The following ST3GAL1 variants were observed in gnomAD, a reference collection of about 807,000 sequenced individuals.
The protein encoded by ST3GAL1 is ST3 beta-galactoside alpha-2,3-sialyltransferase 1, also known as CMP-N-acetylneuraminate-beta-galactosamide-alpha-2,3-sialyltransferase 1.
In ST3GAL1, 16 loss-of-function variants were observed where a neutral mutation model predicts 34.1. The observed-to-expected ratio is 0.47, with a 90% CI of 0.32 to 0.71. ST3GAL1 has a LOEUF of 0.71. Ranked by LOEUF, ST3GAL1 falls within the 30% of genes least tolerant of loss-of-function variation. The probability of loss-of-function intolerance (pLI) is 0.04; values close to 1 mark genes in which losing one functional copy is unlikely to be tolerated. For synonymous variants in ST3GAL1, 191 were observed against 184.7 expected, an observed-to-expected ratio of 1.03 and a Z score of -0.28; for missense variants, 353 against 447.4, an observed-to-expected ratio of 0.79 and a Z score of 1.90.
Position 133,476,555 on chromosome 8 carries a change from TG to T in ST3GAL1, c.-329del, listed in dbSNP as rs1816188629. On this transcript the variant is annotated 5_prime_UTR_variant, in exon 4 of 10. The change abolishes the stop of an existing upstream ORF in the 5' untranslated region. Transcript: ENST00000522652. ...TCCCATCCTGTCGCCAGGGACATGG[TG>T]GGTACACAACCAGCTTGATGAAGGC... 6.5e-6 allele frequency: 1 copy of T among 152,976 alleles called. No individual in the cohort carries two copies. Among genetic ancestry groups the T allele is most frequent in the Admixed American group, 6.5e-5 (1 of 15,410 alleles). The allele number at this position is 152,976 out of a possible 1,614,324, so 9.5% of individuals were successfully genotyped here.
chr8:133,519,540 A>G (rs1036265904), intron 2 of ST3GAL1, among the ~76,000 whole-genome samples: 7 of 152,206 alleles, frequency 4.6e-5, no homozygotes, highest in African/African-American at 1.7e-4. Context: ...GCTTTATTAT[A>G]ATGTCAAGCT....
chr8:133,512,657 T>C (rs1328180580), intron 2 of ST3GAL1, among the ~76,000 whole-genome samples: 1 of 152,086 alleles, frequency 6.6e-6, no homozygotes, highest in East Asian at 1.9e-4. Context: ...CCGCACAGGG[T>C]TGGTCCAGGC....
chr8:133,568,560 G>A (rs1431301031), intron 1 of ST3GAL1, among the ~76,000 whole-genome samples: 2 of 152,198 alleles, frequency 1.3e-5, no homozygotes, highest in African/African-American at 4.8e-5. Context: ...AAGATGGCTG[G>A]TGGATTTTAT....
chr8:133,569,392 C>A (rs946494388), intron 1 of ST3GAL1, among the ~76,000 whole-genome samples: 4 of 152,204 alleles, frequency 2.6e-5, no homozygotes, highest in African/African-American at 9.7e-5. Context: ...TATGAACTAC[C>A]TATACATACA....
At position 133,571,448 on chromosome 8, in the gene ST3GAL1, GC is replaced by G. The variant is rs1819566063; in HGVS notation, c.-582+244del. Reference sequence around the variant, plus strand: ...ACCCCGACCTTCTTCCTCTCCCAAAGCCCTGGGTGGTCGCCGCTGCCAAGGA... The same window carrying G: ...ACCCCGACCTTCTTCCTCTCCCAAAGCCTGGGTGGTCGCCGCTGCCAAGGA... On this transcript the variant is annotated intron_variant, in intron 1 of 9. Coordinates refer to ENST00000522652, the MANE Select transcript of ST3GAL1 (RefSeq NM_173344.3). This position sits in a 1 kb window ranked among gnomAD's most constrained non-coding sequence, Gnocchi z 6.7. 6.6e-6 allele frequency among the ~76,000 whole-genome samples: 1 copy of G among 152,242 alleles called. No homozygotes were observed. Among genetic ancestry groups the G allele is most frequent in the South Asian group, 2.1e-4 (1 of 4,822 alleles).
chr8:133,488,226 G>A (rs1162546237), intron 3 of ST3GAL1: 1 of 152,166 alleles, frequency 6.6e-6, no homozygotes. Context: ...GGGGGAGCGA[G>A]ACTTATCTCT....
At chr8:133,470,513 GT>G (rs1404212193) in intron 5 of ST3GAL1, among the ~76,000 whole-genome samples, 1 of 152,104 alleles carries the variant, frequency 6.6e-6, no homozygotes, top group Non-Finnish European at 1.5e-5. Flanking sequence ...TTCCAGACTA[GT>G]TTCCAAGTAT....
intron 2 of ST3GAL1, among the ~76,000 whole-genome samples, chr8:133,501,057 G>A (rs1321048356): frequency 6.6e-6 from 1 of 152,216 alleles, no homozygotes; most frequent in African/African-American, 2.4e-5. Flanking sequence ...CCTTTAATCT[G>A]TCTCTCCTCG....
At chr8:133,563,875 C>T (rs1458135976) in intron 1 of ST3GAL1, among the ~76,000 whole-genome samples, 1 of 152,142 alleles carries the variant, frequency 6.6e-6, no homozygotes, top group African/African-American at 2.4e-5. Flanking sequence ...CTCTTCCTGC[C>T]TCCTTATGAA....
At chr8:133,485,523 T>C (rs1298926256) in intron 3 of ST3GAL1, among the ~76,000 whole-genome samples, 1 of 152,162 alleles carries the variant, frequency 6.6e-6, no homozygotes, top group Non-Finnish European at 1.5e-5. Context: ...AATCAAATCC[T>C]CACGCTTCAA....
chr8:133,471,834 C>T (rs1271875480), intron 5 of ST3GAL1, among the ~76,000 whole-genome samples: 1 of 152,000 alleles, frequency 6.6e-6, no homozygotes, highest in Non-Finnish European at 1.5e-5. Flanking sequence ...TGCATTTGGG[C>T]ACTGGGCATG....
At chr8:133,553,703 G>A (rs532049556) in intron 1 of ST3GAL1, among the ~76,000 whole-genome samples, 56 of 152,264 alleles carry the variant, frequency 3.7e-4, no homozygotes, top group African/African-American at 1.1e-3. Context: ...ATCATTTGAG[G>A]GCACTTAGTA....
chr8:133,562,833 C>T (rs199640812), intron 1 of ST3GAL1, among the ~76,000 whole-genome samples: 6,004 of 75,144 alleles, frequency 0.08, 252 homozygotes, highest in South Asian at 0.1. Flanking sequence ...TTCCTTCCTT[C>T]CTTCCTTCCT....
intron 2 of ST3GAL1, among the ~76,000 whole-genome samples, chr8:133,514,040 AC>A (rs897174491): frequency 2.0e-5 from 3 of 152,220 alleles, no homozygotes; most frequent in African/African-American, 7.2e-5. Flanking sequence ...CATAATAAAC[AC>A]AAAGAGCTCT....
intron 3 of ST3GAL1, among the ~76,000 whole-genome samples, chr8:133,486,229 G>A (rs551442491): frequency 2.0e-5 from 3 of 152,314 alleles, no homozygotes; most frequent in South Asian, 4.1e-4. Flanking sequence ...GGCTGAGGTC[G>A]GCCCCTGCCC....
Position 133,469,629 on chromosome 8 carries a change from A to T in ST3GAL1, c.307-3539T>A, listed in dbSNP as rs1563697609. Among the ~76,000 whole-genome samples, 1 of 152,250 alleles carries T rather than the reference A, an allele frequency of 6.6e-6. No homozygotes were observed. ...GGTAGTTGTACAATGCAATGAAAAC[A>T]AAACTACTGTATTCGGTTGCAGCTC... On this transcript the variant is annotated intron_variant, in intron 5 of 9. Transcript: ENST00000522652. This position sits in a 1 kb window ranked among gnomAD's most constrained non-coding sequence, Gnocchi z 4.3.
intron 2 of ST3GAL1, among the ~76,000 whole-genome samples, chr8:133,540,908 CAT>C (rs1228587202): frequency 1.3e-4 from 4 of 31,048 alleles, no homozygotes; most frequent in African/African-American, 6.9e-4. Flanking sequence ...TATATATAGA[CAT>C]ATATATAGAC....
At chr8:133,463,101 A>G (rs1353671290) in intron 8 of ST3GAL1, among the ~76,000 whole-genome samples, 1 of 152,254 alleles carries the variant, frequency 6.6e-6, no homozygotes, top group African/African-American at 2.4e-5. Flanking sequence ...CAGCAAGCAC[A>G]GGGGTCCCCG....
rs377171453 is a variant in ST3GAL1 at position 133,469,815 on chromosome 8, C to G, written c.307-3725G>C. On this transcript the variant is annotated intron_variant, in intron 5 of 9. Transcript: ENST00000522652. This position sits in a 1 kb window ranked among gnomAD's most constrained non-coding sequence, Gnocchi z 4.3. ...GAAATGACCTCCGGGCTCTGTGATG[C>G]GACTTTCTCTAGTGCCCTGCCTCAC... Among the ~76,000 whole-genome samples the G allele has an allele frequency of 6.6e-6, 1 of 152,156 alleles. No individual in the cohort carries two copies. The highest frequency in any genetic ancestry group is 1.5e-5 in the Non-Finnish European group (1 of 68,026).
Sources: gnomAD v4.1 joint callset for allele counts (sites outside exome capture counted in the v4.1 genomes callset) on GRCh38, gnomAD v4.1.1 for gene constraint, Gnocchi (gnomAD v3.1) non-coding constraint, MANE v1.5 for transcripts, NCBI Gene and HGNC (gene_info 2026-07-23, HGNC 2026-07-21) for gene names.